HK1: variants seen among roughly 807,000 people sequenced by gnomAD.
HK1 encodes the protein hexokinase 1, also known as hexokinase-1.
Under a neutral mutation model 91.6 loss-of-function variants are expected in HK1, and 28 were observed. That is an observed-to-expected ratio of 0.31 (90% CI 0.23 to 0.42). The LOEUF (loss-of-function observed/expected upper bound fraction) is 0.42, where lower values mean the gene tolerates loss of function less well. Ranked by LOEUF, HK1 falls within the 10% of genes least tolerant of loss-of-function variation. The pLI is 1.00. For synonymous variants in HK1, 430 were observed against 468.1 expected (o/e 0.92, Z 1.05); for missense variants, 770 against 1,219.8 (o/e 0.63, Z 5.49).
chr10:69,380,136 T>C lies in HK1; in HGVS notation c.1265+41T>C, dbSNP rs762344033. On this transcript the variant is annotated intron_variant, in intron 9 of 17. Transcript: ENST00000359426. This position sits in a 1 kb window ranked among gnomAD's most constrained non-coding sequence, Gnocchi z 4.0. ...GCTATCATTGGCACTCTGTACCCAT[T>C]GTGGGTAGGGACCTTCTCCAGAGAT... is the stretch of plus-strand genomic sequence containing the variant. 1.3e-6 allele frequency: 2 copies of C among 1,483,564 alleles called. No homozygotes were observed. The highest frequency in any genetic ancestry group is 1.9e-6 in the Non-Finnish European group (2 of 1,061,026). The allele number at this position is 1,483,564 out of a possible 1,614,324, so 91.9% of individuals were successfully genotyped here. A position where few individuals can be genotyped will look rare whatever the true frequency, so the allele number is the denominator to read the frequency against.
intron 3 of HK1, among the ~76,000 whole-genome samples, chr10:69,290,066 C>A (rs1845227559): frequency 1.3e-5 from 2 of 152,128 alleles, no homozygotes; most frequent in African/African-American, 4.8e-5. Context: ...CCCTCTGAAG[C>A]AAGGACTACA....
At chr10:69,365,388 C>T (rs1849649205) in intron 4 of HK1, among the ~76,000 whole-genome samples, 1 of 152,180 alleles carries the variant, frequency 6.6e-6, no homozygotes, top group Admixed American at 6.5e-5. Context: ...CTTGTTGTAC[C>T]CACCTTCCTG....
intron 1 of HK1, among the ~76,000 whole-genome samples, chr10:69,273,593 C>G (rs865840332): frequency 6.6e-6 from 1 of 152,192 alleles, no homozygotes; most frequent in Non-Finnish European, 1.5e-5. Context: ...CTCAGGTGAT[C>G]CCCCTGTCTT....
At chr10:69,285,345 A>G (rs967031945) in intron 2 of HK1, among the ~76,000 whole-genome samples, 5 of 151,880 alleles carry the variant, frequency 3.3e-5, no homozygotes, top group Admixed American at 3.3e-4. Context: ...AATGGCGTGC[A>G]CTCGGGAGGC....
At chr10:69,321,700 T>G (rs1397679583) in intron 1 of HK1, among the ~76,000 whole-genome samples, 3 of 152,250 alleles carry the variant, frequency 2.0e-5, no homozygotes, top group Non-Finnish European at 4.4e-5. Flanking sequence ...TGGTGTCATT[T>G]CTTTCTTCAT....
intron 5 of HK1, among the ~76,000 whole-genome samples, chr10:69,307,650 T>C (rs1352839941): frequency 6.6e-6 from 1 of 152,170 alleles, no homozygotes; most frequent in Non-Finnish European, 1.5e-5. Flanking sequence ...TCCTCATCTA[T>C]AAAATGGGGA....
chr10:69,305,624 G>A (rs1430395792), intron 5 of HK1, among the ~76,000 whole-genome samples: 12 of 152,078 alleles, frequency 7.9e-5, no homozygotes, highest in Admixed American at 7.9e-4. Flanking sequence ...GGAGGCCAAG[G>A]CAGGCAGATC....
intron 16 of HK1, among the ~76,000 whole-genome samples, chr10:69,397,304 G>A (rs140196013): frequency 1.3e-5 from 2 of 152,058 alleles, no homozygotes; most frequent in East Asian, 1.9e-4. Context: ...CCACATCCTC[G>A]CCAACACTTG....
intron 4 of HK1, among the ~76,000 whole-genome samples, chr10:69,297,284 A>T (rs1391457047): frequency 6.6e-6 from 1 of 152,196 alleles, no homozygotes; most frequent in African/African-American, 2.4e-5. Context: ...GGAGTGGATC[A>T]CCATGAAGGT....
At chr10:69,294,096 T>A (rs11818927) in intron 3 of HK1, among the ~76,000 whole-genome samples, 1 of 151,846 alleles carries the variant, frequency 6.6e-6, no homozygotes, top group Non-Finnish European at 1.5e-5. Context: ...CTCCTGACCT[T>A]GTGATCCACC....
exon 3 of HK1, chr10:69,288,713 G>A (rs1202274452): frequency 3.1e-6 from 5 of 1,611,676 alleles, no homozygotes; most frequent in Admixed American, 1.7e-5. Flanking sequence ...GCAGAAGAAA[G>A]GACCCGAGGT....
At chr10:69,323,743 G>T (rs369988417) in intron 1 of HK1, among the ~76,000 whole-genome samples, 5 of 152,288 alleles carry the variant, frequency 3.3e-5, no homozygotes, top group African/African-American at 1.2e-4. Flanking sequence ...AAACTGGCAG[G>T]CAGGGTGTCT....
At chr10:69,292,657 G>A (rs965621814) in intron 3 of HK1, among the ~76,000 whole-genome samples, 2 of 152,164 alleles carry the variant, frequency 1.3e-5, no homozygotes, top group African/African-American at 2.4e-5. Flanking sequence ...CACTAAGATA[G>A]GAGGCACTTT....
At chr10:69,334,806 C>T (rs750526473) in intron 1 of HK1, among the ~76,000 whole-genome samples, 1 of 152,170 alleles carries the variant, frequency 6.6e-6, no homozygotes, top group Non-Finnish European at 1.5e-5. Context: ...ACACACACCA[C>T]GAAGTGTCTC....
At chr10:69,363,155 G>A (rs1303303055) in intron 3 of HK1, among the ~76,000 whole-genome samples, 2 of 152,144 alleles carry the variant, frequency 1.3e-5, no homozygotes, top group African/African-American at 4.8e-5. Context: ...CCTTCTTCTG[G>A]GTTCCAAAAA....
At chr10:69,325,397 G>T (rs1018175286) in intron 1 of HK1, among the ~76,000 whole-genome samples, 1 of 151,494 alleles carries the variant, frequency 6.6e-6, no homozygotes, top group South Asian at 2.1e-4. Context: ...CTGCTCTGTT[G>T]CCCAGGCTGG....
chr10:69,311,056 CA>C (rs35246952), upstream of HK1, among the ~76,000 whole-genome samples: 137 of 133,700 alleles, frequency 1.0e-3, no homozygotes, highest in Non-Finnish European at 1.1e-3. Context: ...GACTCCGTCT[CA>C]AAAAAAAAAA....
rs60682669 is a variant in HK1 at position 69,300,581 on chromosome 10, A to G, written c.-66-188A>G. 8.5e-3 allele frequency: 5,989 copies of G among 700,528 alleles called. 339 individuals carry two copies. The highest frequency in any genetic ancestry group is 0.077 in the African/African-American group (4,297 of 56,060). The allele number at this position is 700,528 out of a possible 1,614,324, so 43.4% of individuals were successfully genotyped here. ...ATTTCTCTAGATCTTTGAGTTGCAC[A>G]TCAAATCTGGGGCTGATCATGCCAC... On this transcript the variant is annotated intron_variant, in intron 4 of 21. Coordinates refer to the HK1 transcript ENST00000360289.
intron 16 of HK1, among the ~76,000 whole-genome samples, chr10:69,397,307 A>C (rs1193897165): frequency 6.6e-6 from 1 of 152,208 alleles, no homozygotes; most frequent in African/African-American, 2.4e-5. Context: ...CATCCTCGCC[A>C]ACACTTGTTA....
Sources: allele counts gnomAD v4.1 joint callset (sites outside exome capture counted in the v4.1 genomes callset), GRCh38; gene constraint gnomAD v4.1.1; non-coding constraint Gnocchi (gnomAD v3.1); transcripts MANE v1.5; gene names NCBI Gene and HGNC (gene_info 2026-07-23, HGNC 2026-07-21).